Variants in ALDH1A2 observed in about 807,000 individuals in gnomAD.
The protein encoded by ALDH1A2 is retinal dehydrogenase 2.
In ALDH1A2, 27 loss-of-function variants were observed where a neutral mutation model predicts 60.3. The ratio of observed to expected loss-of-function variants is 0.45; its 90% CI spans 0.33 to 0.62. The LOEUF (loss-of-function observed/expected upper bound fraction) is 0.62. Among genes scored for constraint, ALDH1A2 ranks in the 20% least tolerant of loss-of-function variants. The pLI is 0.02. For missense variants in ALDH1A2, 581 were observed against 643.8 expected (o/e 0.90, Z 1.06); for synonymous variants, 289 against 232.4 (o/e 1.24, Z -2.21).
At chr15:58,032,206 G>A (rs2140542261) in intron 1 of ALDH1A2, among the ~76,000 whole-genome samples, 1 of 152,172 alleles carries the variant, frequency 6.6e-6, no homozygotes, top group Admixed American at 6.5e-5. Context: ...TCCTTTGTAG[G>A]GACATGGATG....
chr15:57,967,535 G>A (rs2140456690), intron 7 of ALDH1A2, among the ~76,000 whole-genome samples: 1 of 152,080 alleles, frequency 6.6e-6, no homozygotes, highest in South Asian at 2.1e-4. Context: ...AAAACACCGG[G>A]GAAACTCCAA....
rs189975260 is a variant in ALDH1A2, at chr15:58,015,242, C to T, written c.118-961G>A. On this transcript the variant is annotated intron_variant, in intron 1 of 12. Transcript: ENST00000249750. ...CAAAAACAATGATAATTATTTAGTG[C>T]CTGCCATTTAAAAAATAATCAGAGA... Among the ~76,000 whole-genome samples, 247 of 152,210 alleles carry T rather than the reference C, an allele frequency of 1.6e-3. 1 individual carries two copies. Among genetic ancestry groups the T allele is most frequent in the Admixed American group, 0.011 (161 of 15,284 alleles).
At chr15:58,014,135 G>A (rs1221006890) in intron 2 of ALDH1A2, 42 bp downstream of exon 2, 1 of 1,613,968 alleles carries the variant, frequency 6.2e-7, no homozygotes, top group African/African-American at 1.3e-5. Flanking sequence ...CTGTTTGAAG[G>A]CAGTTATTTC....
intron 7 of ALDH1A2, among the ~76,000 whole-genome samples, chr15:57,976,505 G>C (rs1285027789): frequency 6.6e-6 from 1 of 152,124 alleles, no homozygotes; most frequent in Non-Finnish European, 1.5e-5. Flanking sequence ...TTATGAATGA[G>C]AACATATGGT....
intron 7 of ALDH1A2, among the ~76,000 whole-genome samples, chr15:57,984,170 C>T (rs1894617848): frequency 6.6e-6 from 1 of 152,192 alleles, no homozygotes; most frequent in Admixed American, 6.5e-5. Context: ...AGCCCTACAA[C>T]TAACTAGCAT....
intron 1 of ALDH1A2, among the ~76,000 whole-genome samples, chr15:58,048,663 A>T (rs1332102356): frequency 6.6e-6 from 1 of 152,002 alleles, no homozygotes; most frequent in Non-Finnish European, 1.5e-5. Flanking sequence ...CTAGTGTTCC[A>T]TTTGACTCAG....
At chr15:58,065,376 C>T (rs531834628) in intron 1 of ALDH1A2, 158 bp downstream of exon 1, 14 of 754,598 alleles carry the variant, frequency 1.9e-5, no homozygotes, top group Non-Finnish European at 3.1e-5. Context: ...GCCCCAGTCC[C>T]GAAGACAGGC....
chr15:58,047,090 G>C (rs1188370705), intron 1 of ALDH1A2, among the ~76,000 whole-genome samples: 1 of 152,010 alleles, frequency 6.6e-6, no homozygotes, highest in African/African-American at 2.4e-5. Context: ...ATATAGGCAG[G>C]CTGCCATGGA....
At chr15:57,961,990 G>A in intron 10 of ALDH1A2, 22 bp downstream of exon 10, 1 of 1,613,994 alleles carries the variant, frequency 6.2e-7, no homozygotes, top group Non-Finnish European at 8.5e-7. Flanking sequence ...TGTGGCTTTT[G>A]TAAGAACAGC....
intron 12 of ALDH1A2, among the ~76,000 whole-genome samples, chr15:57,957,453 C>T (rs1193686527): frequency 6.6e-6 from 1 of 152,138 alleles, no homozygotes; most frequent in East Asian, 1.9e-4. Flanking sequence ...CCTGAAGTCT[C>T]GATTCTTAAG....
chr15:58,027,935 A>T (rs541588996), intron 1 of ALDH1A2, among the ~76,000 whole-genome samples: 3 of 152,222 alleles, frequency 2.0e-5, no homozygotes, highest in African/African-American at 7.2e-5. Flanking sequence ...GGTGTACCTG[A>T]AAGTGACGGG....
intron 12 of ALDH1A2, among the ~76,000 whole-genome samples, chr15:57,957,527 G>C (rs1893569444): frequency 6.6e-6 from 1 of 152,174 alleles, no homozygotes; most frequent in Non-Finnish European, 1.5e-5. Context: ...AAATTTTGTG[G>C]CACATACAGT....
At chr15:57,993,115 C>T in intron 5 of ALDH1A2, 42 bp from the exon 6 acceptor site, 7 of 1,605,744 alleles carry the variant, frequency 4.4e-6, no homozygotes, top group Non-Finnish European at 5.9e-6. Context: ...GAAAAACATT[C>T]TTCCACTACT....
intron 1 of ALDH1A2, among the ~76,000 whole-genome samples, chr15:58,060,590 C>T (rs191496122): frequency 1.8e-4 from 26 of 144,666 alleles, no homozygotes; most frequent in African/African-American, 6.7e-4. Flanking sequence ...AGGATTTGAT[C>T]AAAGGCTTAT....
chr15:57,989,291 T>C (rs758943958), intron 7 of ALDH1A2, among the ~76,000 whole-genome samples: 2 of 148,386 alleles, frequency 1.3e-5, no homozygotes, highest in Non-Finnish European at 2.9e-5. Flanking sequence ...ATTTTTATCA[T>C]ATTATATCAT....
At chr15:58,056,396 C>T (rs576979999) in intron 1 of ALDH1A2, among the ~76,000 whole-genome samples, 4 of 152,194 alleles carry the variant, frequency 2.6e-5, no homozygotes, top group African/African-American at 9.6e-5. Context: ...AATGCTACAT[C>T]ATTTGTCTTT....
At chr15:58,023,083 CAT>C (rs746914796) in intron 1 of ALDH1A2, among the ~76,000 whole-genome samples, 15 of 151,722 alleles carry the variant, frequency 9.9e-5, no homozygotes, top group Non-Finnish European at 1.0e-4. Flanking sequence ...GAATTCTGAA[CAT>C]AAAAAATCAG....
At chr15:58,048,953 C>G (rs1010200215) in intron 1 of ALDH1A2, among the ~76,000 whole-genome samples, 1 of 151,744 alleles carries the variant, frequency 6.6e-6, no homozygotes, top group Non-Finnish European at 1.5e-5. Context: ...TTCCTTGTTT[C>G]CCTTTGTAAT....
At chr15:58,014,362 A>G in intron 1 of ALDH1A2, 81 bp from the exon 2 acceptor site, 1 of 1,030,114 alleles carries the variant, frequency 9.7e-7, no homozygotes, top group Non-Finnish European at 1.5e-6. Context: ...CGGAACTACT[A>G]TGGTAATAAC....
Sources: gnomAD v4.1 joint callset for allele counts (sites outside exome capture counted in the v4.1 genomes callset) on GRCh38, gnomAD v4.1.1 for gene constraint, MANE v1.5 for transcripts, NCBI Gene and HGNC (gene_info 2026-07-23, HGNC 2026-07-21) for gene names.